HERC2: variants seen among roughly 807,000 people sequenced by gnomAD.
The protein encoded by HERC2 is HECT and RLD domain containing E3 ubiquitin protein ligase 2, also known as E3 ubiquitin-protein ligase HERC2.
A neutral mutation model predicts 537.7 loss-of-function variants in HERC2; 102 were observed. That is an observed-to-expected ratio of 0.19 (90% CI 0.16 to 0.22). The LOEUF (loss-of-function observed/expected upper bound fraction) is 0.22. Ranked by LOEUF, HERC2 falls within the 10% of genes least tolerant of loss-of-function variation. The probability of loss-of-function intolerance (pLI) is 1.00; values close to 1 mark genes in which losing one functional copy is unlikely to be tolerated. For synonymous variants in HERC2, 2,224 were observed against 2,466.2 expected (o/e 0.90, Z 2.91); for missense variants, 4,236 against 6,198.2 (o/e 0.68, Z 10.63).
intron 56 of HERC2, among the ~76,000 whole-genome samples, chr15:28,185,289 G>A (rs1420701767): frequency 6.6e-6 from 1 of 152,008 alleles, no homozygotes. Context: ...CATGTCACAC[G>A]CTGCAGAGTA....
rs1195176235 is a variant in HERC2, at chr15:28,214,809, A to G, written c.6211-7T>C. On this transcript the variant is annotated splice_region_variant and splice_polypyrimidine_tract_variant and intron_variant, in intron 39 of 92. Transcript: ENST00000261609. ...ACAAATGCACAGCTAAGATCTGATA[A>G]AAGAAAATTTATAACGACAAGCATT... 1.9e-5 allele frequency: 30 copies of G among 1,603,676 alleles called. No individual in the cohort carries two copies. Among genetic ancestry groups the G allele is most frequent in the Non-Finnish European group, 2.5e-5 (29 of 1,175,516 alleles).
intron 4 of HERC2, among the ~76,000 whole-genome samples, chr15:28,284,749 T>C (rs910882828): frequency 6.6e-6 from 1 of 151,422 alleles, no homozygotes; most frequent in Non-Finnish European, 1.5e-5. Flanking sequence ...ACCCCATCTC[T>C]ACTAAAAATA....
At chr15:28,223,790 G>A (rs983380080) in intron 35 of HERC2, among the ~76,000 whole-genome samples, 71 of 152,078 alleles carry the variant, frequency 4.7e-4, no homozygotes, top group African/African-American at 1.6e-3. Context: ...AGGGCAGGCC[G>A]CAAATATAGA....
In HERC2 at chr15:28,135,579, A is replaced by C. The variant is rs759396181; in HGVS notation, c.12129T>G (p.Ala4043=). Residue 4043 remains alanine (A), a synonymous_variant, in exon 79 of 93, where the codon GCT becomes GCG. Coordinates refer to ENST00000261609, the MANE Select transcript of HERC2 (RefSeq NM_004667.6). ...SIQHVFIKKV[A]VNSGGKHCLA... ...GGCAGTGCTTTCCTCCAGAGTTCACAGCTACTTTCTTAATAAACACATGCT... is the reference window on the plus strand; with the variant it reads ...GGCAGTGCTTTCCTCCAGAGTTCACCGCTACTTTCTTAATAAACACATGCT... 73 of 1,614,092 alleles carry C rather than the reference A, an allele frequency of 4.5e-5. No individual in the cohort carries two copies. The highest frequency in any genetic ancestry group is 6.2e-5 in the Non-Finnish European group (73 of 1,180,022).
chr15:28,181,825 G>A (rs1431911464), intron 57 of HERC2, among the ~76,000 whole-genome samples: 1 of 152,218 alleles, frequency 6.6e-6, no homozygotes, highest in Non-Finnish European at 1.5e-5. Flanking sequence ...AGAGGCTATG[G>A]CACGGCTTCC....
In HERC2 at chr15:28,198,741, G is replaced by A. The variant is rs754091977; in HGVS notation, c.7745C>T (p.Ala2582Val). The A allele has an allele frequency of 9.9e-6, 16 of 1,613,310 alleles. No individual in the cohort carries two copies. In the Admixed American group the frequency reaches 1.0e-4, roughly 10 times the overall value. Residue 2582 changes from alanine (A) to valine (V), a missense_variant, in exon 49 of 93, where the codon GCG becomes GTG. Ala to Val is a moderately conservative substitution (Grantham distance 64). Coordinates refer to ENST00000261609, the MANE Select transcript of HERC2 (RefSeq NM_004667.6). ...QVGMMVRCCR[A>V]YEEVCEGDVG... ...ATCACCTTCGCACACTTCTTCATAC[G>A]CTCGGCAGCATCTAACCATCATTCC...
At chr15:28,139,709 G>C (rs1428276056) in intron 78 of HERC2, among the ~76,000 whole-genome samples, 1 of 152,176 alleles carries the variant, frequency 6.6e-6, no homozygotes, top group Non-Finnish European at 1.5e-5. Flanking sequence ...TCTATCCAAA[G>C]AATGTAAGTT....
chr15:28,310,455 T>A (rs1297305079), intron 2 of HERC2, among the ~76,000 whole-genome samples: 2 of 152,094 alleles, frequency 1.3e-5, no homozygotes, highest in East Asian at 1.9e-4. Context: ...AAAAAAATTT[T>A]AATTTAAATT....
intron 83 of HERC2, among the ~76,000 whole-genome samples, chr15:28,126,523 T>C (rs1365875639): frequency 1.3e-5 from 2 of 152,232 alleles, no homozygotes; most frequent in Non-Finnish European, 2.9e-5. Flanking sequence ...AAATGTGGTA[T>C]ATATACACCA....
At chr15:28,306,064 T>C (rs2076778950) in intron 2 of HERC2, among the ~76,000 whole-genome samples, 1 of 152,148 alleles carries the variant, frequency 6.6e-6, no homozygotes, top group South Asian at 2.1e-4. Flanking sequence ...ATAGGAACAC[T>C]TTTACACTGT....
chr15:28,185,709 C>A (rs1345232354), intron 56 of HERC2, among the ~76,000 whole-genome samples: 1 of 152,188 alleles, frequency 6.6e-6, no homozygotes, highest in East Asian at 1.9e-4. Context: ...CACTTTGTTT[C>A]AGTAATTCTG....
chr15:28,291,104 T>C (rs1197126558), intron 4 of HERC2, among the ~76,000 whole-genome samples: 2 of 152,222 alleles, frequency 1.3e-5, no homozygotes, highest in Non-Finnish European at 2.9e-5. Flanking sequence ...TTTCAGCACA[T>C]TTCTGGATAA....
intron 2 of HERC2, among the ~76,000 whole-genome samples, chr15:28,309,591 A>C (rs1350467480): frequency 6.6e-6 from 1 of 152,072 alleles, no homozygotes; most frequent in Non-Finnish European, 1.5e-5. Flanking sequence ...GCCTGTGGGG[A>C]GGGGCAGCCT....
At chr15:28,247,519 C>T (rs1421437265) in intron 21 of HERC2, among the ~76,000 whole-genome samples, 1 of 150,774 alleles carries the variant, frequency 6.6e-6, no homozygotes, top group African/African-American at 2.5e-5. Context: ...ACCTCCGCCT[C>T]CTGGGTTCAA....
intron 2 of HERC2, among the ~76,000 whole-genome samples, chr15:28,304,970 GT>G (rs1358044679): frequency 6.8e-6 from 1 of 148,004 alleles, no homozygotes; most frequent in Non-Finnish European, 1.5e-5. Flanking sequence ...GCGGTGTTCG[GT>G]TTTTTATTCT....
At chr15:28,169,168 C>T (rs997737853) in intron 66 of HERC2, among the ~76,000 whole-genome samples, 10 of 152,214 alleles carry the variant, frequency 6.6e-5, no homozygotes, top group African/African-American at 1.7e-4. Flanking sequence ...GATGCTAAGT[C>T]GTCTTAGACA....
rs763514725 is a variant in HERC2, at chr15:28,124,249, T to C, written c.12991-15A>G. ...TCCATGGGGACCTAGAACACAGAAA[T>C]GGCCTTCAGCCCCTCAGGCACCAAA... On this transcript the variant is annotated splice_polypyrimidine_tract_variant and intron_variant, in intron 84 of 92. Transcript: ENST00000261609. The C allele has an allele frequency of 7.0e-7, 1 of 1,435,980 alleles. No individual in the cohort carries two copies. Among genetic ancestry groups the C allele is most frequent in the South Asian group, 1.6e-5 (1 of 62,812 alleles). The allele number at this position is 1,435,980 out of a possible 1,614,324, so 89.0% of individuals were successfully genotyped here. A position where few individuals can be genotyped will look rare whatever the true frequency, so the allele number is the denominator to read the frequency against.
Position 28,112,035 on chromosome 15 carries a change from C to T in HERC2, c.14233G>A (p.Val4745Met). 3 of 1,613,156 alleles carry T rather than the reference C, an allele frequency of 1.9e-6. No individual in the cohort carries two copies. Among genetic ancestry groups the T allele is most frequent in the East Asian group, 2.2e-5 (1 of 44,862 alleles). Residue 4745 changes from valine (V) to methionine (M), a missense_variant and splice_region_variant, in exon 93 of 93, where the codon GTG becomes ATG. Around this residue, in one of 27 missense-constraint regions of HERC2, gnomAD observed 313 missense variants for 462.6 expected, o/e 0.68. Coordinates refer to ENST00000261609, the MANE Select transcript of HERC2 (RefSeq NM_004667.6). ...DFRGRDFVIQ[V>M]LDKYNPPDHF... is the part of the protein sequence containing the mutation. ...TCTGGAGGGTTGTATTTATCCAACA[C>T]CTGTTGAGCAGAAACATGAAGTGAT...
intron 2 of HERC2, among the ~76,000 whole-genome samples, chr15:28,301,941 A>T (rs962860926): frequency 6.6e-6 from 1 of 150,714 alleles, no homozygotes; most frequent in Non-Finnish European, 1.5e-5. Context: ...CTGGGACTAC[A>T]GGCTCACACC....
Sources: allele counts gnomAD v4.1 joint callset (sites outside exome capture counted in the v4.1 genomes callset), GRCh38; gene constraint gnomAD v4.1.1; regional missense constraint gnomAD v4.1.1; transcripts MANE v1.5; gene names NCBI Gene and HGNC (gene_info 2026-07-23, HGNC 2026-07-21).